Variants in ATP2C2 observed in about 807,000 individuals in gnomAD.
ATP2C2 encodes ATPase secretory pathway Ca2+ transporting 2.
Under a neutral mutation model 110.8 loss-of-function variants are expected in ATP2C2, and 171 were observed. That is an observed-to-expected ratio of 1.54 (90% CI 1.36 to 1.75). The LOEUF is 1.75. Ranked by LOEUF, ATP2C2 falls within the 40% of genes most tolerant of loss-of-function variation. The probability of loss-of-function intolerance (pLI) is 0.00; values close to 1 mark genes in which losing one functional copy is unlikely to be tolerated. For synonymous variants in ATP2C2, 804 were observed against 508.4 expected (o/e 1.58, Z -7.82); for missense variants, 1,963 against 1,235.0 (o/e 1.59, Z -8.84).
chr16:84,432,033 C>G (rs1438651884), intron 11 of ATP2C2, among the ~76,000 whole-genome samples: 1 of 152,114 alleles, frequency 6.6e-6, no homozygotes, highest in Non-Finnish European at 1.5e-5. Flanking sequence ...ACGGGAGGGT[C>G]CCTGAGAGAG....
intron 7 of ATP2C2, among the ~76,000 whole-genome samples, chr16:84,419,414 C>G (rs551569677): frequency 1.3e-5 from 2 of 152,208 alleles, no homozygotes; most frequent in African/African-American, 4.8e-5. Context: ...CCTCCCCTCC[C>G]TTATGAGGAC....
intron 1 of ATP2C2, among the ~76,000 whole-genome samples, chr16:84,392,455 G>A (rs936025102): frequency 6.6e-6 from 1 of 152,042 alleles, no homozygotes; most frequent in Admixed American, 6.6e-5. Context: ...GCGTCTGCAC[G>A]TTTCATCCTT....
chr16:84,424,303 G>C (rs1022893678), intron 10 of ATP2C2, among the ~76,000 whole-genome samples: 4 of 152,236 alleles, frequency 2.6e-5, no homozygotes, highest in African/African-American at 9.6e-5. Flanking sequence ...GGCAGGAATG[G>C]AGTCTCACTC....
At chr16:84,455,054 G>A in intron 21 of ATP2C2, 70 bp downstream of exon 21, 1 of 1,397,798 alleles carries the variant, frequency 7.2e-7, no homozygotes, top group Non-Finnish European at 9.8e-7. Flanking sequence ...CCTGGAACCT[G>A]CTACTGTGGA....
rs754598029 is a variant in ATP2C2 at position 84,440,884 on chromosome 16, G to A, written c.1237G>A (p.Gly413Arg). The change falls in exon 14 of 27, where the codon GGG becomes AGG. Residue 413 changes from glycine to arginine, a missense_variant. Gly to Arg is a moderately radical substitution (Grantham distance 125, BLOSUM62 -2). Coordinates refer to ENST00000262429, the MANE Select transcript of ATP2C2 (RefSeq NM_014861.4). The stretch of plus-strand genomic sequence containing the variant: ...CAGCGGAGTTGGGTATGACGGTCAA[G>A]GGACTGTGTGTCTTCTACCATCCAA... Reference protein sequence around the residue: ...EVSGVGYDGQGTVCLLPSKEV... With the variant: ...EVSGVGYDGQRTVCLLPSKEV... The A allele has an allele frequency of 1.2e-6, 2 of 1,613,570 alleles. No individual in the cohort carries two copies. The highest frequency in any genetic ancestry group is 1.7e-6 in the Non-Finnish European group (2 of 1,179,938).
chr16:84,369,544 G>A (rs573721353), intron 1 of ATP2C2, among the ~76,000 whole-genome samples: 1 of 151,448 alleles, frequency 6.6e-6, no homozygotes, highest in South Asian at 2.1e-4. Context: ...TCGTTCAAAA[G>A]TAACATTTCT....
intron 24 of ATP2C2, 110 bp downstream of exon 24, chr16:84,460,911 G>A (rs1362676823): frequency 1.0e-5 from 14 of 1,394,038 alleles, no homozygotes; most frequent in Admixed American, 2.2e-5. Context: ...AGGCAAACAT[G>A]TACACACACC....
chr16:84,387,348 C>A (rs1476189695), intron 1 of ATP2C2, among the ~76,000 whole-genome samples: 1 of 152,024 alleles, frequency 6.6e-6, no homozygotes. Flanking sequence ...ATGGTGAAAC[C>A]CGTCTCTACA....
At chr16:84,443,307 C>T (rs533662967) in intron 15 of ATP2C2, among the ~76,000 whole-genome samples, 9 of 152,320 alleles carry the variant, frequency 5.9e-5, no homozygotes, top group African/African-American at 1.9e-4. Context: ...GTTTCCATGG[C>T]CACTTGGCCT....
At position 84,445,188 on chromosome 16, in the gene ATP2C2, C is replaced by T. The variant is rs190016880; in HGVS notation, c.1402-1141C>T. On this transcript the variant is annotated intron_variant, in intron 15 of 26. Transcript: ENST00000262429. ...CTCTGTCACGAGGTGCTCCCCGCCACGCCTCTGCGCAGCGTTTTCCTCTTT... is the reference window on the plus strand; with the variant it reads ...CTCTGTCACGAGGTGCTCCCCGCCATGCCTCTGCGCAGCGTTTTCCTCTTT... Among the ~76,000 whole-genome samples the T allele has an allele frequency of 6.5e-4, 98 of 151,910 alleles. No individual in the cohort carries two copies. The South Asian group carries it at 6.9e-3, about 11-fold the overall frequency.
Position 84,442,614 on chromosome 16 carries a change from G to C in ATP2C2, c.1401+15G>C. ...TGGCGATGAAGGTAGGAGGTCCTGG[G>C]GTGGCTCTGCGGGGAATTCTTTCGC... On this transcript the variant is annotated intron_variant, in intron 15 of 26. Coordinates refer to ENST00000262429, the MANE Select transcript of ATP2C2 (RefSeq NM_014861.4). 6.2e-7 allele frequency: 1 copy of C among 1,612,826 alleles called. No homozygotes were observed. The highest frequency in any genetic ancestry group is 8.5e-7 in the Non-Finnish European group (1 of 1,179,008).
chr16:84,459,138 C>A lies in ATP2C2; in HGVS notation c.2166C>A (p.Gly722=), dbSNP rs772045938. 4.3e-6 allele frequency: 7 copies of A among 1,614,096 alleles called. No individual in the cohort carries two copies. The highest frequency in any genetic ancestry group is 5.9e-6 in the Non-Finnish European group (7 of 1,180,016). Residue 722 remains glycine, a synonymous_variant, in exon 22 of 27, where the codon GGC becomes GGA. Transcript: ENST00000262429. ...CTTGCAGGAATGCAGTGGAGGAAGGCAAGGGTATTTTTTACAACATCAAAA... is the reference window on the plus strand; with the variant it reads ...CTTGCAGGAATGCAGTGGAGGAAGGAAAGGGTATTTTTTACAACATCAAAA... ...FSAIMNAVEE[G]KGIFYNIKNF...
At chr16:84,402,193 T>G (rs1905369283) in intron 2 of ATP2C2, among the ~76,000 whole-genome samples, 1 of 152,210 alleles carries the variant, frequency 6.6e-6, no homozygotes, top group Non-Finnish European at 1.5e-5. Flanking sequence ...CTTTACTGAT[T>G]TTGTTTATGA....
Position 84,463,838 on chromosome 16 carries a change from C to A in ATP2C2, c.*106C>A. 1 of 992,864 alleles carries A rather than the reference C, an allele frequency of 1.0e-6. No individual in the cohort carries two copies. The highest frequency in any genetic ancestry group is 1.5e-6 in the Non-Finnish European group (1 of 647,500). 61.5% of individuals were successfully genotyped at this position (992,864 alleles called of 1,614,324 possible). Reference sequence around the variant, plus strand: ...GAGACTTTTAGGAGGCCGCAGCCTTCCATCACCGGATCAGTTTTTCCTCTT... The same window carrying A: ...GAGACTTTTAGGAGGCCGCAGCCTTACATCACCGGATCAGTTTTTCCTCTT... On this transcript the variant is annotated 3_prime_UTR_variant, in exon 27 of 27. Coordinates refer to ENST00000262429, the MANE Select transcript of ATP2C2 (RefSeq NM_014861.4).
intron 6 of ATP2C2, among the ~76,000 whole-genome samples, chr16:84,412,005 T>G (rs56181981): frequency 6.7e-6 from 1 of 150,324 alleles, no homozygotes; most frequent in East Asian, 1.9e-4. Context: ...TTCTTTCTTT[T>G]TCTTTTTGTT....
At chr16:84,381,290 C>T (rs189374027) in intron 1 of ATP2C2, among the ~76,000 whole-genome samples, 88 of 152,308 alleles carry the variant, frequency 5.8e-4, no homozygotes, top group Middle Eastern at 6.8e-3. Context: ...TCAGTTAAGG[C>T]TATTTTTACT....
At chr16:84,429,181 C>T (rs992835435) in intron 11 of ATP2C2, among the ~76,000 whole-genome samples, 2 of 152,082 alleles carry the variant, frequency 1.3e-5, no homozygotes, top group African/African-American at 4.8e-5. Flanking sequence ...GACAGAGTTT[C>T]ACTCTTGTCG....
chr16:84,389,545 G>A (rs1240356615), intron 1 of ATP2C2, among the ~76,000 whole-genome samples: 1 of 152,124 alleles, frequency 6.6e-6, no homozygotes, highest in East Asian at 1.9e-4. Flanking sequence ...GAGTGCAAAG[G>A]TAACTGGCAT....
At chr16:84,411,417 C>G (rs748034881) in intron 6 of ATP2C2, among the ~76,000 whole-genome samples, 4 of 152,212 alleles carry the variant, frequency 2.6e-5, no homozygotes, top group Non-Finnish European at 4.4e-5. Context: ...ATCATCTGCC[C>G]TGTCCAATAT....
Sources: allele counts gnomAD v4.1 joint callset (sites outside exome capture counted in the v4.1 genomes callset), GRCh38; gene constraint gnomAD v4.1.1; transcripts MANE v1.5; gene names NCBI Gene and HGNC (gene_info 2026-07-23, HGNC 2026-07-21).